Variants in FRMD4B observed in about 807,000 individuals in gnomAD.
The protein encoded by FRMD4B is FERM domain-containing protein 4B.
In FRMD4B, 74 loss-of-function variants were observed where a neutral mutation model predicts 141.5. The observed-to-expected ratio is 0.52, with a 90% CI of 0.43 to 0.63. FRMD4B has a LOEUF of 0.63. FRMD4B is among the 30% of genes least tolerant of loss of function. The pLI, the probability that FRMD4B is intolerant of heterozygous loss-of-function variation, is 0.00. For missense variants in FRMD4B, 1,366 were observed against 1,253.4 expected (o/e 1.09, Z -1.36); for synonymous variants, 506 against 467.9 (o/e 1.08, Z -1.05).
intron 7 of FRMD4B, among the ~76,000 whole-genome samples, chr3:69,239,513 A>G (rs2093367307): frequency 6.6e-6 from 1 of 152,130 alleles, no homozygotes; most frequent in African/African-American, 2.4e-5. Context: ...TCTACTTTGA[A>G]CCTTTAACTC....
chr3:69,324,355 G>A (rs1702111404), intron 1 of FRMD4B, among the ~76,000 whole-genome samples: 1 of 152,238 alleles, frequency 6.6e-6, no homozygotes, highest in Non-Finnish European at 1.5e-5. Context: ...TAACCAATAT[G>A]TGCTGAGCAC....
chr3:69,385,155 T>C (rs758212531), intron 1 of FRMD4B, among the ~76,000 whole-genome samples: 1 of 152,008 alleles, frequency 6.6e-6, no homozygotes, highest in Non-Finnish European at 1.5e-5. Context: ...ATTTTTTGCC[T>C]GCAGGATGGG....
chr3:69,455,055 T>C (rs1001362149), intron 1 of FRMD4B, among the ~76,000 whole-genome samples: 4 of 152,290 alleles, frequency 2.6e-5, no homozygotes, highest in East Asian at 3.9e-4. Flanking sequence ...AGCTAAAGGA[T>C]TGTAAATACA....
intron 1 of FRMD4B, among the ~76,000 whole-genome samples, chr3:69,322,523 T>C (rs953639872): frequency 6.6e-6 from 1 of 152,078 alleles, no homozygotes; most frequent in East Asian, 1.9e-4. Flanking sequence ...GTGCTTCACA[T>C]GTGTAGTGAC....
At chr3:69,516,621 T>A (rs1487716592) in intron 1 of FRMD4B, among the ~76,000 whole-genome samples, 2 of 152,240 alleles carry the variant, frequency 1.3e-5, no homozygotes, top group African/African-American at 2.4e-5. Flanking sequence ...AGAGCTATAA[T>A]GCAATAAATT....
chr3:69,183,521 C>T (rs960144976), intron 19 of FRMD4B, among the ~76,000 whole-genome samples: 12 of 120,908 alleles, frequency 9.9e-5, no homozygotes, highest in African/African-American at 2.6e-4. Context: ...CTTGCTCTGT[C>T]GCCCAGGCTG....
upstream of FRMD4B, chr3:69,386,295 G>A (rs918099210): frequency 3.7e-4 from 99 of 264,214 alleles, 1 homozygote; most frequent in East Asian, 6.6e-3. Flanking sequence ...CCCGGGGCAC[G>A]GGAAGCCCTG....
chr3:69,248,375 A>C (rs2106769650), intron 7 of FRMD4B, among the ~76,000 whole-genome samples: 1 of 152,310 alleles, frequency 6.6e-6, no homozygotes, highest in South Asian at 2.1e-4. Flanking sequence ...TGGGAAGATG[A>C]GGAGAGTGTT....
intron 5 of FRMD4B, among the ~76,000 whole-genome samples, chr3:69,280,858 A>G (rs1351740120): frequency 6.6e-6 from 1 of 152,122 alleles, no homozygotes; most frequent in Non-Finnish European, 1.5e-5. Context: ...AGTTCAAGCA[A>G]TCTGCCCACC....
At chr3:69,439,061 ATG>A (rs5849901) in intron 1 of FRMD4B, among the ~76,000 whole-genome samples, 125,410 of 150,504 alleles carry the variant, frequency 0.83, 52,681 homozygotes, top group African/African-American at 0.95. Flanking sequence ...GTGTGTGTGT[ATG>A]TGTGTGTGTG....
At chr3:69,479,992 A>C (rs1396843825) in intron 1 of FRMD4B, among the ~76,000 whole-genome samples, 1 of 152,068 alleles carries the variant, frequency 6.6e-6, no homozygotes, top group East Asian at 1.9e-4. Flanking sequence ...CTTCCAGTTG[A>C]TTGCATCTGC....
At chr3:69,276,395 C>T (rs1389105939) in intron 5 of FRMD4B, among the ~76,000 whole-genome samples, 9 of 152,040 alleles carry the variant, frequency 5.9e-5, no homozygotes, top group Non-Finnish European at 1.5e-5. Flanking sequence ...ACCTCAGCCT[C>T]CTGAGTAGCT....
chr3:69,242,435 C>T (rs956532269), intron 7 of FRMD4B, among the ~76,000 whole-genome samples: 2 of 148,638 alleles, frequency 1.3e-5, no homozygotes, highest in African/African-American at 5.0e-5. Flanking sequence ...TAACTACTCT[C>T]CAGGGCATCC....
At chr3:69,178,695 A>G (rs76964323) in intron 21 of FRMD4B, among the ~76,000 whole-genome samples, 2 of 131,476 alleles carry the variant, frequency 1.5e-5, no homozygotes, top group East Asian at 4.5e-4. Context: ...AAAAAAAAAA[A>G]GGAGCTGAGC....
At chr3:69,411,151 A>C (rs1704754020) in intron 2 of FRMD4B, among the ~76,000 whole-genome samples, 1 of 152,182 alleles carries the variant, frequency 6.6e-6, no homozygotes, top group African/African-American at 2.4e-5. Context: ...AAAACACATC[A>C]GAACAATTTA....
chr3:69,383,364 A>G (rs988387574), intron 1 of FRMD4B, among the ~76,000 whole-genome samples: 1 of 152,240 alleles, frequency 6.6e-6, no homozygotes, highest in East Asian at 1.9e-4. Context: ...AATATTTTTG[A>G]AAATCTTATT....
At chr3:69,503,205 A>G (rs371258347) in intron 1 of FRMD4B, among the ~76,000 whole-genome samples, 18 of 152,196 alleles carry the variant, frequency 1.2e-4, no homozygotes, top group East Asian at 1.2e-3. Flanking sequence ...AAAGGATTAT[A>G]AATCATGCTG....
chr3:69,362,705 C>CA (rs1268596155), intron 1 of FRMD4B, among the ~76,000 whole-genome samples: 1 of 149,782 alleles, frequency 6.7e-6, no homozygotes. Flanking sequence ...AGCCAACCCC[C>CA]CCCCCAAAAA....
intron 1 of FRMD4B, among the ~76,000 whole-genome samples, chr3:69,343,890 G>T (rs1412268094): frequency 6.6e-6 from 1 of 152,038 alleles, no homozygotes; most frequent in East Asian, 1.9e-4. Flanking sequence ...CGTCTTAACA[G>T]TTTCTATACT....
Sources: gnomAD v4.1 joint callset for allele counts (sites outside exome capture counted in the v4.1 genomes callset) on GRCh38, gnomAD v4.1.1 for gene constraint, MANE v1.5 for transcripts, NCBI Gene and HGNC (gene_info 2026-07-23, HGNC 2026-07-21) for gene names.